The following PRKCB variants were observed in gnomAD, a reference collection of about 807,000 sequenced individuals.
PRKCB encodes the protein protein kinase C beta, also known as protein kinase C beta type.
PRKCB carries 13 observed loss-of-function variants against 81.5 expected under a neutral mutation model. The observed-to-expected ratio is 0.16, with a 90% CI of 0.10 to 0.25. The LOEUF (loss-of-function observed/expected upper bound fraction) is 0.25. Among genes scored for constraint, PRKCB ranks in the 10% least tolerant of loss-of-function variants. The pLI is 1.00. For missense variants in PRKCB, 509 were observed against 875.7 expected (o/e 0.58, Z 5.29); for synonymous variants, 335 against 321.4 (o/e 1.04, Z -0.45).
At chr16:24,078,003 T>C (rs111915302) in intron 5 of PRKCB, among the ~76,000 whole-genome samples, 26 of 152,328 alleles carry the variant, frequency 1.7e-4, no homozygotes, top group African/African-American at 5.8e-4. Flanking sequence ...CCCAAGCTTC[T>C]GAAAATTAAA....
At chr16:24,164,081 A>G (rs529840539) in intron 10 of PRKCB, among the ~76,000 whole-genome samples, 1 of 152,234 alleles carries the variant, frequency 6.6e-6, no homozygotes, top group Non-Finnish European at 1.5e-5. Context: ...CCCTTGGAGC[A>G]TGGTACATAG....
intron 5 of PRKCB, among the ~76,000 whole-genome samples, chr16:24,061,853 C>T (rs1308032641): frequency 6.9e-6 from 1 of 144,230 alleles, no homozygotes; most frequent in Non-Finnish European, 1.5e-5. Context: ...ACAAAGCAAT[C>T]TAAACATTTA....
At chr16:24,207,906 G>A in intron 16 of PRKCB, among the ~76,000 whole-genome samples, 1 of 152,204 alleles carries the variant, frequency 6.6e-6, no homozygotes, top group Non-Finnish European at 1.5e-5. Flanking sequence ...GAGTTCATGA[G>A]TGTTCTAGGA....
At chr16:23,899,308 A>G (rs918346032) in intron 2 of PRKCB, among the ~76,000 whole-genome samples, 1 of 152,224 alleles carries the variant, frequency 6.6e-6, no homozygotes, top group African/African-American at 2.4e-5. Flanking sequence ...GGTCAAGGTA[A>G]TAATTATCAA....
intron 16 of PRKCB, among the ~76,000 whole-genome samples, chr16:24,200,074 G>T (rs1967935403): frequency 1.3e-5 from 2 of 152,146 alleles, no homozygotes; most frequent in South Asian, 4.1e-4. Flanking sequence ...TCGTTGTCAG[G>T]ATTTTAAAAG....
At chr16:24,004,636 C>T (rs975582590) in intron 3 of PRKCB, among the ~76,000 whole-genome samples, 1 of 152,126 alleles carries the variant, frequency 6.6e-6, no homozygotes, top group Non-Finnish European at 1.5e-5. Flanking sequence ...GCCTGGGCAA[C>T]AGAGTGAGAT....
At chr16:24,172,470 CTT>C in intron 11 of PRKCB, 109 bp downstream of exon 11, 1 of 821,538 alleles carries the variant, frequency 1.2e-6, no homozygotes, top group Non-Finnish European at 2.0e-6. Context: ...CCTCGGGCAT[CTT>C]TTTGAAAAAA....
intron 2 of PRKCB, among the ~76,000 whole-genome samples, chr16:23,895,547 AT>A (rs1429124968): frequency 1.3e-5 from 2 of 151,992 alleles, no homozygotes; most frequent in Non-Finnish European, 2.9e-5. Context: ...ACACCTTTGT[AT>A]TTTTTTAAAC....
chr16:24,128,247 C>T (rs916404848), intron 9 of PRKCB, among the ~76,000 whole-genome samples: 4 of 152,082 alleles, frequency 2.6e-5, no homozygotes, highest in South Asian at 4.1e-4. Context: ...TGGTGGCAGG[C>T]GCCTGTATTC....
Position 24,183,833 on chromosome 16 carries a change from A to G in PRKCB, c.1534-1278A>G, listed in dbSNP as rs934899655. Among the ~76,000 whole-genome samples the G allele has an allele frequency of 2.5e-4, 38 of 152,340 alleles. 1 individual carries two copies. Among genetic ancestry groups the G allele is most frequent in the Admixed American group, 2.6e-4 (4 of 15,298 alleles). Reference sequence around the variant, plus strand: ...GCTGTATTACCTCTTAACCTCTGACATGGTTAGTTTTACATCCCTGCATAC... The same window carrying G: ...GCTGTATTACCTCTTAACCTCTGACGTGGTTAGTTTTACATCCCTGCATAC... On this transcript the variant is annotated intron_variant, in intron 13 of 16. Transcript: ENST00000643927.
chr16:24,067,000 C>A (rs886494094), intron 5 of PRKCB, among the ~76,000 whole-genome samples: 2 of 151,460 alleles, frequency 1.3e-5, no homozygotes, highest in African/African-American at 4.9e-5. Context: ...CAGGTGCATG[C>A]CACTGAGCTT....
At chr16:23,892,941 C>T (rs2141118121) in intron 2 of PRKCB, 1 of 104,004 alleles carries the variant, frequency 9.6e-6, no homozygotes, top group Non-Finnish European at 2.0e-5. Flanking sequence ...GATCAATCAG[C>T]ATCTTTTTTT....
At chr16:24,067,048 G>T (rs900506790) in intron 5 of PRKCB, among the ~76,000 whole-genome samples, 1 of 151,370 alleles carries the variant, frequency 6.6e-6, no homozygotes, top group African/African-American at 2.4e-5. Context: ...ATGAGGTCTC[G>T]CTGTGTTGCC....
intron 2 of PRKCB, among the ~76,000 whole-genome samples, chr16:23,894,315 A>G (rs1237738571): frequency 6.6e-6 from 1 of 152,250 alleles, no homozygotes; most frequent in Non-Finnish European, 1.5e-5. Context: ...AAGGCATGAA[A>G]GTCTCAGGAC....
At chr16:23,880,425 GT>G (rs1441701326) in intron 2 of PRKCB, among the ~76,000 whole-genome samples, 2 of 151,872 alleles carry the variant, frequency 1.3e-5, no homozygotes, top group Admixed American at 1.3e-4. Flanking sequence ...GATTCTGCAC[GT>G]TTAATTTTTA....
chr16:24,021,322 CCTTCCTTCCTTCCTTCCTTCCTTCCTT>C (rs1567347313), intron 3 of PRKCB, among the ~76,000 whole-genome samples: 3 of 53,692 alleles, frequency 5.6e-5, no homozygotes, highest in Non-Finnish European at 6.7e-5. Context: ...TTCCTTCCTT[CCTTCCTTCCTTCCTTCCTTCCTTCCTT>C]CCTTCCTCCT....
At chr16:24,186,972 C>A (rs1365556484) in intron 15 of PRKCB, among the ~76,000 whole-genome samples, 1 of 151,860 alleles carries the variant, frequency 6.6e-6, no homozygotes, top group Non-Finnish European at 1.5e-5. Flanking sequence ...AGAGGGGAGT[C>A]CCAGAGGTGC....
intron 2 of PRKCB, among the ~76,000 whole-genome samples, chr16:23,874,562 TTCTC>T (rs201132389): frequency 1.5e-3 from 113 of 73,624 alleles, no homozygotes; most frequent in South Asian, 5.9e-3. Flanking sequence ...CACCAGATTC[TTCTC>T]TCTTTTTTTT....
At chr16:23,841,539 G>T (rs1243936886) in intron 2 of PRKCB, among the ~76,000 whole-genome samples, 1 of 151,932 alleles carries the variant, frequency 6.6e-6, no homozygotes. Context: ...CCAGGCTGGA[G>T]GGCAGTGACA....
Sources: allele counts gnomAD v4.1 joint callset (sites outside exome capture counted in the v4.1 genomes callset), GRCh38; gene constraint gnomAD v4.1.1; transcripts MANE v1.5; gene names NCBI Gene and HGNC (gene_info 2026-07-23, HGNC 2026-07-21).